The following LAMA2 variants were observed in gnomAD, a reference collection of about 807,000 sequenced individuals.
LAMA2 encodes the protein laminin subunit alpha-2.
LAMA2 carries 269 observed loss-of-function variants against 364.8 expected under a neutral mutation model. The observed-to-expected ratio is 0.74, with a 90% CI of 0.67 to 0.82. The LOEUF (loss-of-function observed/expected upper bound fraction) is 0.82, where lower values mean the gene tolerates loss of function less well. Ranked by LOEUF, LAMA2 falls within the 40% of genes least tolerant of loss-of-function variation. The pLI, the probability that LAMA2 is intolerant of heterozygous loss-of-function variation, is 0.00. For missense variants in LAMA2, 3,807 were observed against 3,873.2 expected (o/e 0.98, Z 0.45); for synonymous variants, 1,379 against 1,370.6 (o/e 1.01, Z -0.14).
Position 129,298,171 on chromosome 6 carries a change from C to T in LAMA2, c.3037+306C>T, listed in dbSNP as rs181123922. Among the ~76,000 whole-genome samples, 13 of 32,770 alleles carry T rather than the reference C, an allele frequency of 4.0e-4. No homozygotes were observed. In the East Asian group the frequency reaches 8.5e-3, roughly 22 times the overall value. 21.5% of individuals were successfully genotyped at this position (32,770 alleles called of 152,430 possible). A position where few individuals can be genotyped will look rare whatever the true frequency, so the allele number is the denominator to read the frequency against. Reference sequence around the variant, plus strand: ...TGCTACGGCTTGAAAGTTAAATGTTCGATTTTTCTGGTACCAGTCTTATCT... The same window carrying T: ...TGCTACGGCTTGAAAGTTAAATGTTTGATTTTTCTGGTACCAGTCTTATCT... On this transcript the variant is annotated intron_variant, in intron 21 of 64. Transcript: ENST00000421865.
chr6:128,938,343 T>A (rs9492146), intron 1 of LAMA2, among the ~76,000 whole-genome samples: 19,360 of 152,066 alleles, frequency 0.13, 1,533 homozygotes, highest in African/African-American at 0.23. Flanking sequence ...ATTTTTATGA[T>A]TAACTAATGT....
At position 129,383,237 on chromosome 6, in the gene LAMA2, T is replaced by A. The variant is rs779374721; in HGVS notation, c.5071+4T>A. The A allele has an allele frequency of 1.9e-6, 3 of 1,595,278 alleles. No individual in the cohort carries two copies. In the Admixed American group the frequency reaches 5.0e-5, roughly 27 times the overall value. On this transcript the variant is annotated splice_donor_region_variant and intron_variant, in intron 35 of 64. Transcript: ENST00000421865. The stretch of plus-strand genomic sequence containing the variant: ...GAGCTTGCCCGGGATGCAGAAGGTA[T>A]TAGAAAGAATCACATTTTAATCATC...
chr6:129,500,872 A>G (rs1224489602), intron 58 of LAMA2, among the ~76,000 whole-genome samples: 1 of 152,222 alleles, frequency 6.6e-6, no homozygotes, highest in African/African-American at 2.4e-5. Flanking sequence ...TGACATTTAC[A>G]TATAGTAATT....
chr6:129,358,334 G>T lies in LAMA2; in HGVS notation c.4717+4977G>T, dbSNP rs550263360. Among the ~76,000 whole-genome samples the T allele has an allele frequency of 5.3e-5, 8 of 152,068 alleles. No individual in the cohort carries two copies. The South Asian group carries it at 1.7e-3, about 32-fold the overall frequency. On this transcript the variant is annotated intron_variant, in intron 32 of 64. Transcript: ENST00000421865. The stretch of plus-strand genomic sequence containing the variant: ...AGCTGTTCTGCTAGCTGATTAAGGA[G>T]TTGCACAGTTGAATTATCGTATAGA...
intron 18 of LAMA2, among the ~76,000 whole-genome samples, chr6:129,286,048 T>C (rs1366760148): frequency 6.6e-6 from 1 of 152,118 alleles, no homozygotes; most frequent in Non-Finnish European, 1.5e-5. Flanking sequence ...TGCCCCAGAA[T>C]TGGGATTTGT....
intron 29 of LAMA2, 60 bp from the exon 30 acceptor site, chr6:129,342,283 A>C (rs1314661400): frequency 6.7e-7 from 1 of 1,486,010 alleles, no homozygotes; most frequent in East Asian, 2.3e-5. Flanking sequence ...ACTGTATGAT[A>C]AATTACATTC....
chr6:129,064,966 T>G (rs1249483864), intron 3 of LAMA2, among the ~76,000 whole-genome samples: 5 of 152,134 alleles, frequency 3.3e-5, no homozygotes, highest in Admixed American at 3.3e-4. Flanking sequence ...GAAAAGTACA[T>G]TACAGATCAA....
intron 35 of LAMA2, among the ~76,000 whole-genome samples, chr6:129,384,612 AT>A (rs1325340991): frequency 1.3e-5 from 2 of 152,084 alleles, no homozygotes; most frequent in African/African-American, 4.8e-5. Context: ...GTCAATATGA[AT>A]ATTTGCTTCT....
At chr6:129,308,849 A>T (rs1414100858) in intron 22 of LAMA2, among the ~76,000 whole-genome samples, 1 of 152,166 alleles carries the variant, frequency 6.6e-6, no homozygotes, top group East Asian at 1.9e-4. Context: ...ACATGGCAGG[A>T]TCAGGAGAAA....
At chr6:128,949,034 G>A (rs994692865) in intron 1 of LAMA2, among the ~76,000 whole-genome samples, 1 of 152,114 alleles carries the variant, frequency 6.6e-6, no homozygotes, top group African/African-American at 2.4e-5. Flanking sequence ...ACATCCCCCC[G>A]ATGTAGGATA....
intron 12 of LAMA2, among the ~76,000 whole-genome samples, chr6:129,201,285 A>T (rs1235938568): frequency 6.6e-6 from 1 of 152,208 alleles, no homozygotes; most frequent in African/African-American, 2.4e-5. Flanking sequence ...GTTAGGGTTC[A>T]TGGAGGCCAA....
chr6:129,025,972 A>C (rs1785781885), intron 1 of LAMA2, among the ~76,000 whole-genome samples: 1 of 152,166 alleles, frequency 6.6e-6, no homozygotes, highest in Admixed American at 6.6e-5. Context: ...ACACACATGC[A>C]AGGTTTCACG....
chr6:129,158,334 A>G, intron 8 of LAMA2: 3 of 1,613,980 alleles, frequency 1.9e-6, no homozygotes, highest in Non-Finnish European at 8.5e-7. Flanking sequence ...AGTGGTAAAG[A>G]ATACTTTCAC....
intron 12 of LAMA2, among the ~76,000 whole-genome samples, chr6:129,196,480 A>G (rs1042791496): frequency 3.3e-5 from 5 of 152,300 alleles, no homozygotes; most frequent in African/African-American, 1.2e-4. Flanking sequence ...AGAAATGCCC[A>G]TTGAGTTGGA....
chr6:129,204,587 C>T (rs1252706217), intron 12 of LAMA2, among the ~76,000 whole-genome samples: 2 of 152,114 alleles, frequency 1.3e-5, no homozygotes, highest in Non-Finnish European at 2.9e-5. Flanking sequence ...GAACAGATTC[C>T]TCTTAGCCCT....
chr6:129,198,182 GAGGT>G (rs1781961418), intron 12 of LAMA2, among the ~76,000 whole-genome samples: 1 of 151,950 alleles, frequency 6.6e-6, no homozygotes, highest in African/African-American at 2.4e-5. Context: ...CAGGACAAAG[GAGGT>G]AGTGTTTATA....
At chr6:129,363,208 G>A (rs1777567271) in intron 32 of LAMA2, among the ~76,000 whole-genome samples, 1 of 152,148 alleles carries the variant, frequency 6.6e-6, no homozygotes, top group African/African-American at 2.4e-5. Flanking sequence ...GGAGGCTGAG[G>A]CAGGAGGATC....
intron 10 of LAMA2, among the ~76,000 whole-genome samples, chr6:129,187,841 G>C (rs898427704): frequency 3.3e-5 from 5 of 151,754 alleles, no homozygotes; most frequent in Non-Finnish European, 7.4e-5. Context: ...AAACATTTAA[G>C]ATTTTGGATT....
chr6:129,231,966 AAT>A, intron 12 of LAMA2, among the ~76,000 whole-genome samples: 1 of 152,260 alleles, frequency 6.6e-6, no homozygotes, highest in South Asian at 2.1e-4. Context: ...ATAGCCATGC[AAT>A]ATATATGGAG....
Sources: gnomAD v4.1 joint callset for allele counts (sites outside exome capture counted in the v4.1 genomes callset) on GRCh38, gnomAD v4.1.1 for gene constraint, MANE v1.5 for transcripts, NCBI Gene and HGNC (gene_info 2026-07-23, HGNC 2026-07-21) for gene names.